The following HPSE2 variants were observed in gnomAD, a reference collection of about 807,000 sequenced individuals.
The protein encoded by HPSE2 is inactive heparanase-2.
A neutral mutation model predicts 60.5 loss-of-function variants in HPSE2; 38 were observed. The observed-to-expected ratio is 0.63, with a 90% confidence interval of 0.48 to 0.82. The LOEUF is 0.82. HPSE2 is among the 40% of genes least tolerant of loss of function. HPSE2 has a pLI of 0.00. For missense variants in HPSE2, 713 were observed against 740.4 expected (o/e 0.96, Z 0.43); for synonymous variants, 295 against 293.2 (o/e 1.01, Z -0.06).
intron 3 of HPSE2, among the ~76,000 whole-genome samples, chr10:98,915,742 A>T (rs151124201): frequency 6.6e-6 from 1 of 152,212 alleles, no homozygotes; most frequent in Non-Finnish European, 1.5e-5. Flanking sequence ...GAGAAGAAAA[A>T]TAAAGAGAGC....
intron 3 of HPSE2, among the ~76,000 whole-genome samples, chr10:98,987,446 AC>A (rs1244880350): frequency 3.9e-5 from 6 of 152,046 alleles, no homozygotes; most frequent in African/African-American, 1.2e-4. Context: ...AAATTCAACA[AC>A]CCTTCATGCT....
chr10:98,940,924 T>C (rs1370447736), intron 3 of HPSE2, among the ~76,000 whole-genome samples: 2 of 129,510 alleles, frequency 1.5e-5, no homozygotes, highest in Admixed American at 7.7e-5. Context: ...CAAGGCTGGT[T>C]CAATATACAC....
chr10:98,848,280 T>C (rs1565207342), intron 3 of HPSE2, among the ~76,000 whole-genome samples: 1 of 152,114 alleles, frequency 6.6e-6, no homozygotes, highest in Non-Finnish European at 1.5e-5. Context: ...TATCCAGGCA[T>C]GGTGGTATGA....
intron 3 of HPSE2, chr10:99,014,014 AG>A (rs1957076778): frequency 3.4e-6 from 1 of 291,840 alleles, no homozygotes; most frequent in South Asian, 3.0e-5. Flanking sequence ...GCTCAGGCTA[AG>A]GGGGTGGCAG....
chr10:98,632,217 T>C (rs1230655665), intron 7 of HPSE2, among the ~76,000 whole-genome samples: 2 of 152,150 alleles, frequency 1.3e-5, no homozygotes, highest in Non-Finnish European at 2.9e-5. Flanking sequence ...TAATAATATA[T>C]ATTGCACTCA....
At chr10:98,836,035 G>A (rs955050612) in intron 3 of HPSE2, among the ~76,000 whole-genome samples, 1 of 152,186 alleles carries the variant, frequency 6.6e-6, no homozygotes, top group Non-Finnish European at 1.5e-5. Flanking sequence ...TAGTCAACAT[G>A]AGCCAGCATG....
chr10:98,858,724 T>C (rs939792020), intron 3 of HPSE2, among the ~76,000 whole-genome samples: 1 of 152,180 alleles, frequency 6.6e-6, no homozygotes, highest in African/African-American at 2.4e-5. Flanking sequence ...TGGTTGTGGA[T>C]AAGACCAACC....
At chr10:99,014,133 C>G (rs901667714) in intron 3 of HPSE2, among the ~76,000 whole-genome samples, 1 of 152,198 alleles carries the variant, frequency 6.6e-6, no homozygotes, top group African/African-American at 2.4e-5. Flanking sequence ...CTGCCACACG[C>G]GAGTCCCTGC....
chr10:99,113,929 T>C (rs1472904539), intron 3 of HPSE2, among the ~76,000 whole-genome samples: 2 of 152,214 alleles, frequency 1.3e-5, no homozygotes, highest in African/African-American at 4.8e-5. Context: ...CCATTAGCTT[T>C]GCAATTTTCT....
intron 2 of HPSE2, among the ~76,000 whole-genome samples, chr10:99,145,762 G>C (rs1370496762): frequency 1.3e-5 from 2 of 152,150 alleles, no homozygotes; most frequent in African/African-American, 4.8e-5. Context: ...TATATTCAGT[G>C]ACACTTAAGA....
chr10:99,041,882 A>G (rs2135476916), intron 3 of HPSE2, among the ~76,000 whole-genome samples: 1 of 152,310 alleles, frequency 6.6e-6, no homozygotes, highest in Non-Finnish European at 1.5e-5. Flanking sequence ...AGAGCCTGAG[A>G]ACAGTCACAA....
At chr10:99,067,417 A>C (rs1842650917) in intron 3 of HPSE2, among the ~76,000 whole-genome samples, 1 of 151,946 alleles carries the variant, frequency 6.6e-6, no homozygotes, top group African/African-American at 2.4e-5. Context: ...TGACGGTTCC[A>C]CCCCTGAAGC....
At chr10:99,023,066 A>T (rs559595483) in intron 3 of HPSE2, among the ~76,000 whole-genome samples, 13 of 152,190 alleles carry the variant, frequency 8.5e-5, no homozygotes, top group African/African-American at 2.9e-4. Context: ...TGATTCCAGG[A>T]CTTGACTCTT....
At chr10:99,134,002 G>A (rs1029339250) in intron 3 of HPSE2, among the ~76,000 whole-genome samples, 1 of 152,130 alleles carries the variant, frequency 6.6e-6, no homozygotes, top group South Asian at 2.1e-4. Context: ...TTGCTAACTA[G>A]AATAATCAGC....
chr10:99,223,883 G>C (rs866976653), intron 2 of HPSE2, among the ~76,000 whole-genome samples: 9 of 152,234 alleles, frequency 5.9e-5, no homozygotes, highest in Middle Eastern at 3.4e-3. Flanking sequence ...AATTTGAGCA[G>C]AGCTTTCAAG....
intron 3 of HPSE2, among the ~76,000 whole-genome samples, chr10:98,928,728 T>G (rs1456158213): frequency 7.4e-6 from 1 of 135,510 alleles, no homozygotes; most frequent in Admixed American, 7.5e-5. Context: ...CTCAGTAAAC[T>G]ATCGCAAGAA....
intron 3 of HPSE2, among the ~76,000 whole-genome samples, chr10:98,870,368 CCA>C (rs1198528528): frequency 2.0e-5 from 3 of 152,114 alleles, no homozygotes; most frequent in African/African-American, 7.2e-5. Context: ...AAGGCTAAAG[CCA>C]CAGTGTCTTC....
At position 98,685,613 on chromosome 10, in the gene HPSE2, T is replaced by C. The variant is rs558353952; in HGVS notation, c.1004+8287A>G. Among the ~76,000 whole-genome samples the C allele has an allele frequency of 6.5e-4, 99 of 152,348 alleles. No individual in the cohort carries two copies. The South Asian group carries it at 0.011, about 17-fold the overall frequency. Reference sequence around the variant, plus strand: ...TTTATCTTGCTGAGTAGTATCCCTTTGTATGACTATACAATGATTTGTTTA... The same window carrying C: ...TTTATCTTGCTGAGTAGTATCCCTTCGTATGACTATACAATGATTTGTTTA... On this transcript the variant is annotated intron_variant, in intron 6 of 11. Transcript: ENST00000370552.
chr10:99,174,799 G>A (rs1455484440), intron 2 of HPSE2, among the ~76,000 whole-genome samples: 1 of 152,192 alleles, frequency 6.6e-6, no homozygotes, highest in Non-Finnish European at 1.5e-5. Flanking sequence ...AATCTGACTG[G>A]TTTATTTAAA....
Sources: gnomAD v4.1 joint callset for allele counts (sites outside exome capture counted in the v4.1 genomes callset) on GRCh38, gnomAD v4.1.1 for gene constraint, MANE v1.5 for transcripts, NCBI Gene and HGNC (gene_info 2026-07-23, HGNC 2026-07-21) for gene names.